TRIM16: variants seen among roughly 807,000 people sequenced by gnomAD.
TRIM16 encodes tripartite motif-containing protein 16.
Under a neutral mutation model 50.4 loss-of-function variants are expected in TRIM16, and 33 were observed. The ratio of observed to expected loss-of-function variants is 0.65; its 90% confidence interval spans 0.50 to 0.88. TRIM16 has a LOEUF of 0.88. TRIM16 is among the 40% of genes least tolerant of loss of function. The pLI, the probability that TRIM16 is intolerant of heterozygous loss-of-function variation, is 0.00. For missense variants in TRIM16, 581 were observed against 686.8 expected, an observed-to-expected ratio of 0.85 and a Z score of 1.72; for synonymous variants, 229 against 270.7, an observed-to-expected ratio of 0.85 and a Z score of 1.51.
At position 15,652,016 on chromosome 17, in the gene TRIM16, A is replaced by AT. The variant is rs771656674; in HGVS notation, c.-337-71dup. On this transcript the variant is annotated intron_variant, in intron 6 of 11. Transcript: ENST00000649191. The stretch of plus-strand genomic sequence containing the variant: ...GGCTTTGTGTGGTCTGACAAGCGAC[A>AT]TTTTTTTTTGTTTTCATTTTTAAAG... 4.7e-3 allele frequency: 4,860 copies of AT among 1,035,874 alleles called. 15 individuals carry two copies. Among genetic ancestry groups the AT allele is most frequent in the South Asian group, 0.011 (311 of 27,532 alleles). The allele number at this position is 1,035,874 out of a possible 1,614,324, so 64.2% of individuals were successfully genotyped here. A position where few individuals can be genotyped will look rare whatever the true frequency, so the allele number is the denominator to read the frequency against.
intron 10 of TRIM16, among the ~76,000 whole-genome samples, chr17:15,632,214 C>A (rs1986462293): frequency 6.6e-6 from 1 of 151,970 alleles, no homozygotes; most frequent in African/African-American, 2.4e-5. Flanking sequence ...CATGGTGAAA[C>A]CCCGTCTCTA....
chr17:15,669,682 T>C (rs1351799612), intron 6 of TRIM16, among the ~76,000 whole-genome samples: 1 of 152,236 alleles, frequency 6.6e-6, no homozygotes, highest in Non-Finnish European at 1.5e-5. Flanking sequence ...TACAATCAAC[T>C]GCTCACGGTG....
Position 15,632,546 on chromosome 17 carries a change from C to G in TRIM16, c.978G>C (p.Glu326Asp), listed in dbSNP as rs138519519. Residue 326 changes from glutamate to aspartate, a missense_variant, in exon 10 of 12, where the codon GAG (glutamate) becomes GAC (aspartate). Physicochemically the swap from Glu to Asp is conservative, Grantham distance 45 (BLOSUM62 2). Around this residue, in one of 3 missense-constraint regions of TRIM16, gnomAD observed 450 missense variants for 544.3 expected, o/e 0.83. Coordinates refer to ENST00000649191, the MANE Select transcript of TRIM16 (RefSeq NM_001348119.1). Reference protein sequence around the residue: ...ESTVHLIQLLENYKKKLQEFS... With the variant: ...ESTVHLIQLLDNYKKKLQEFS... Reference sequence around the variant, plus strand: ...ACTCCTGGAGCTTTTTCTTATAGTTCTCCAGCAACTGGATTAAGTGTACAG... The same window carrying G: ...ACTCCTGGAGCTTTTTCTTATAGTTGTCCAGCAACTGGATTAAGTGTACAG... The G allele has an allele frequency of 1.1e-4, 185 of 1,612,882 alleles. 1 individual carries two copies. In the East Asian group the frequency reaches 3.5e-3, roughly 31 times the overall value.
Position 15,628,938 on chromosome 17 carries a change from T to A in TRIM16, c.1372A>T (p.Ser458Cys). 6.2e-7 allele frequency: 1 copy of A among 1,614,218 alleles called. No individual in the cohort carries two copies. Among genetic ancestry groups the A allele is most frequent in the Non-Finnish European group, 8.5e-7 (1 of 1,180,038 alleles). The change falls in exon 12 of 12, where the codon AGT (serine) becomes TGT (cysteine). Residue 458 changes from serine (S) to cysteine (C), a missense_variant. Ser to Cys is a moderately radical substitution (Grantham distance 112). This residue lies in a region of TRIM16 where 115 missense variants were observed against 106.7 expected (regional missense o/e 1.08). Coordinates refer to ENST00000649191, the MANE Select transcript of TRIM16 (RefSeq NM_001348119.1). ...GIDRKGEERNSCISGNNFSWS... is the reference protein window; with the variant it reads ...GIDRKGEERNCCISGNNFSWS... ...GAGAAGTTGTTTCCGGAAATGCAACTGTTGCGCTCCTCCCCTTTCCGGTCG... is the reference window on the plus strand; with the variant it reads ...GAGAAGTTGTTTCCGGAAATGCAACAGTTGCGCTCCTCCCCTTTCCGGTCG...
intron 7 of TRIM16, among the ~76,000 whole-genome samples, chr17:15,647,326 C>A (rs1373283232): frequency 1.3e-5 from 2 of 152,210 alleles, no homozygotes; most frequent in Non-Finnish European, 2.9e-5. Context: ...CTTTCGGCTG[C>A]CAGCAAACAG....
intron 6 of TRIM16, among the ~76,000 whole-genome samples, chr17:15,655,700 G>A (rs113099875): frequency 0.018 from 2,796 of 151,772 alleles, 74 homozygotes; most frequent in African/African-American, 0.063. Flanking sequence ...TCAGCCTCCC[G>A]AGTAGCTGGG....
chr17:15,665,381 T>C lies in TRIM16; in HGVS notation c.-338+11795A>G, dbSNP rs187768388. ...AAAATTAGCCGGGCATGGTGGTGGG[T>C]GCCTGTAGTCCCAGCTACTCAGGAG... On this transcript the variant is annotated intron_variant, in intron 6 of 11. Coordinates refer to ENST00000649191, the MANE Select transcript of TRIM16 (RefSeq NM_001348119.1). Among the ~76,000 whole-genome samples the C allele has an allele frequency of 7.3e-3, 1,111 of 152,194 alleles. 6 individuals carry two copies. Among genetic ancestry groups the C allele is most frequent in the African/African-American group, 0.022 (908 of 41,512 alleles).
chr17:15,647,054 C>A (rs1398569232), intron 7 of TRIM16, among the ~76,000 whole-genome samples: 1 of 151,726 alleles, frequency 6.6e-6, no homozygotes, highest in Non-Finnish European at 1.5e-5. Context: ...GCAACCTCCA[C>A]CTCCCAGGTT....
chr17:15,650,525 A>C (rs1022406123), intron 7 of TRIM16, among the ~76,000 whole-genome samples: 6 of 152,150 alleles, frequency 3.9e-5, no homozygotes, highest in African/African-American at 1.4e-4. Context: ...CTGTGACATT[A>C]TACCTGGACC....
At chr17:15,638,709 A>G (rs1986972949) in intron 8 of TRIM16, among the ~76,000 whole-genome samples, 1 of 148,310 alleles carries the variant, frequency 6.7e-6, no homozygotes, top group Admixed American at 6.7e-5. Flanking sequence ...AAGGAAGGAG[A>G]GAGGGAGAGA....
intron 9 of TRIM16, among the ~76,000 whole-genome samples, chr17:15,633,213 G>C: frequency 6.6e-6 from 1 of 151,908 alleles, no homozygotes; most frequent in Non-Finnish European, 1.5e-5. Flanking sequence ...GTGTGATCAG[G>C]AAAGATGCTT....
Position 15,670,026 on chromosome 17 carries a change from G to A in TRIM16, c.-338+7150C>T, listed in dbSNP as rs372481885. 3.1e-4 allele frequency among the ~76,000 whole-genome samples: 47 copies of A among 152,244 alleles called. 1 individual carries two copies. In the South Asian group the frequency reaches 9.5e-3, roughly 31 times the overall value. On this transcript the variant is annotated intron_variant, in intron 6 of 11. Transcript: ENST00000649191. ...ATGAGTCTTGTGAGTGCAAAGTAGAGAAACAAAAGGTGTTCACTCATTCAC... is the reference window on the plus strand; with the variant it reads ...ATGAGTCTTGTGAGTGCAAAGTAGAAAAACAAAAGGTGTTCACTCATTCAC...
chr17:15,652,108 AC>A (rs1987738143), intron 6 of TRIM16, 162 bp from the exon 7 acceptor site: 4 of 301,390 alleles, frequency 1.3e-5, no homozygotes, highest in Non-Finnish European at 2.0e-5. Context: ...ATAGAACTGG[AC>A]ATGAGGCAGC....
intron 6 of TRIM16, among the ~76,000 whole-genome samples, chr17:15,671,993 C>T (rs1419993050): frequency 2.0e-5 from 3 of 152,060 alleles, no homozygotes; most frequent in Non-Finnish European, 1.5e-5. Context: ...ATGCCTCCTC[C>T]GAAAAGACAG....
At chr17:15,662,224 G>A (rs1354268291) in intron 6 of TRIM16, among the ~76,000 whole-genome samples, 1 of 152,090 alleles carries the variant, frequency 6.6e-6, no homozygotes, top group African/African-American at 2.4e-5. Flanking sequence ...TTGTAAAACC[G>A]GCCTCTTTCC....
chr17:15,638,251 AT>A (rs1986939856), intron 8 of TRIM16, among the ~76,000 whole-genome samples: 1 of 131,956 alleles, frequency 7.6e-6, no homozygotes, highest in Non-Finnish European at 1.5e-5. Flanking sequence ...CAATAAAAAA[AT>A]AAATTTAAAA....
chr17:15,636,760 C>T (rs1986769285), intron 8 of TRIM16, among the ~76,000 whole-genome samples: 1 of 147,984 alleles, frequency 6.8e-6, no homozygotes, highest in African/African-American at 2.5e-5. Context: ...CTACCACATA[C>T]AGAATCCCCA....
intron 3 of TRIM16, among the ~76,000 whole-genome samples, chr17:15,681,564 A>G (rs1039081655): frequency 2.8e-4 from 42 of 152,202 alleles, no homozygotes; most frequent in African/African-American, 9.9e-4. Flanking sequence ...AAGTATTGTG[A>G]ATGAATTAAT....
chr17:15,630,775 A>T (rs1986375598), intron 11 of TRIM16, among the ~76,000 whole-genome samples: 1 of 150,960 alleles, frequency 6.6e-6, no homozygotes, highest in South Asian at 2.1e-4. Context: ...AGCCATGATC[A>T]AGCCACTGTA....
Sources: gnomAD v4.1 joint callset for allele counts (sites outside exome capture counted in the v4.1 genomes callset) on GRCh38, gnomAD v4.1.1 for gene constraint, gnomAD v4.1.1 regional missense constraint, MANE v1.5 for transcripts, NCBI Gene and HGNC (gene_info 2026-07-23, HGNC 2026-07-21) for gene names.